Variants in PPP2R2C observed in about 807,000 individuals in gnomAD.
The protein encoded by PPP2R2C is protein phosphatase 2, regulatory subunit B, gamma.
PPP2R2C carries 10 observed loss-of-function variants against 45.3 expected under a neutral mutation model. The observed-to-expected ratio is 0.22, with a 90% CI of 0.14 to 0.37. The LOEUF is 0.37. PPP2R2C is among the 10% of genes least tolerant of loss of function. PPP2R2C has a pLI of 1.00. For missense variants in PPP2R2C, 308 were observed against 619.7 expected, an observed-to-expected ratio of 0.50 and a Z score of 5.34; for synonymous variants, 257 against 245.4, an observed-to-expected ratio of 1.05 and a Z score of -0.44.
rs901467022 is a variant in PPP2R2C, at chr4:6,405,099, C to T, written c.71-24005G>A. ...ACATGAGACTGAGGGCTGCTATTAA[C>T]GCCCTGTGCCCGACAGTGTGTGGGA... is the stretch of plus-strand genomic sequence containing the variant. On this transcript the variant is annotated intron_variant, in intron 1 of 8. Transcript: ENST00000382599. Among the ~76,000 whole-genome samples, 26 of 152,372 alleles carry T rather than the reference C, an allele frequency of 1.7e-4. 2 individuals are homozygous for T. Among genetic ancestry groups the T allele is most frequent in the Admixed American group, 1.2e-3 (19 of 15,312 alleles).
At chr4:6,549,729 C>T (rs1725117314) in intron 1 of PPP2R2C, among the ~76,000 whole-genome samples, 2 of 152,222 alleles carry the variant, frequency 1.3e-5, no homozygotes, top group African/African-American at 4.8e-5. Flanking sequence ...CGGGCAGTAG[C>T]TGGAGCCCAC....
At chr4:6,327,509 C>G (rs1012291447) in intron 8 of PPP2R2C, among the ~76,000 whole-genome samples, 7 of 152,234 alleles carry the variant, frequency 4.6e-5, no homozygotes, top group African/African-American at 9.6e-5. Context: ...CAGCGGGGAC[C>G]TACCCCGCAA....
chr4:6,435,959 A>T (rs1719873128), intron 1 of PPP2R2C, among the ~76,000 whole-genome samples: 1 of 152,128 alleles, frequency 6.6e-6, no homozygotes, highest in African/African-American at 2.4e-5. Flanking sequence ...CCCCAATGTG[A>T]TGGTCTTAGG....
rs146621707 is a variant in PPP2R2C at position 6,382,530 on chromosome 4, C to T, written c.71-1436G>A. 3.7e-4 allele frequency: 501 copies of T among 1,350,890 alleles called. 4 individuals are homozygous for T. The highest frequency in any genetic ancestry group is 2.3e-3 in the Middle Eastern group (11 of 4,762). 83.7% of individuals were successfully genotyped at this position (1,350,890 alleles called of 1,614,324 possible). On this transcript the variant is annotated intron_variant, in intron 1 of 8. Coordinates refer to ENST00000382599, the MANE Select transcript of PPP2R2C (RefSeq NM_020416.4). ...TGGTCACCATAACTGAATTCTGATC[C>T]CTCCTCAGCCTCATCCTCTGCAGCT...
At chr4:6,539,850 G>C (rs1271385695) in intron 1 of PPP2R2C, among the ~76,000 whole-genome samples, 1 of 152,152 alleles carries the variant, frequency 6.6e-6, no homozygotes, top group Non-Finnish European at 1.5e-5. Flanking sequence ...ACAGAAACTA[G>C]ATCTCCCCAA....
Position 6,384,736 on chromosome 4 carries a change from A to T in PPP2R2C, c.71-3642T>A. 3.0e-6 allele frequency: 3 copies of T among 985,494 alleles called. No homozygotes were observed. In the African/African-American group the frequency reaches 5.2e-5, roughly 17 times the overall value. The allele number at this position is 985,494 out of a possible 1,614,324, so 61.0% of individuals were successfully genotyped here. A position where few individuals can be genotyped will look rare whatever the true frequency, so the allele number is the denominator to read the frequency against. ...AATTTACAATTTATATGTCATTTTCATATCTGCTACCTCCTTTAACCTCAC... is the reference window on the plus strand; with the variant it reads ...AATTTACAATTTATATGTCATTTTCTTATCTGCTACCTCCTTTAACCTCAC... On this transcript the variant is annotated intron_variant, in intron 1 of 8. Coordinates refer to ENST00000382599, the MANE Select transcript of PPP2R2C (RefSeq NM_020416.4).
At chr4:6,357,109 C>G (rs1392476080) in intron 5 of PPP2R2C, among the ~76,000 whole-genome samples, 6 of 145,938 alleles carry the variant, frequency 4.1e-5, no homozygotes, top group African/African-American at 1.6e-4. Flanking sequence ...TGGGTCCCAG[C>G]CTCAAATCCC....
chr4:6,471,837 C>T lies in PPP2R2C; in HGVS notation c.70+323G>A, dbSNP rs1721903530. Among the ~76,000 whole-genome samples the T allele has an allele frequency of 6.6e-6, 1 of 152,082 alleles. No individual in the cohort carries two copies. Among genetic ancestry groups the T allele is most frequent in the South Asian group, 2.1e-4 (1 of 4,806 alleles). On this transcript the variant is annotated intron_variant, in intron 1 of 8. Coordinates refer to ENST00000382599, the MANE Select transcript of PPP2R2C (RefSeq NM_020416.4). This position sits in a 1 kb window ranked among gnomAD's most constrained non-coding sequence, Gnocchi z 5.6. ...TCACCAGATTAGCCACAGCCGTGGC[C>T]TTTTAAAAAATTATGGTCAGGGCCG...
At chr4:6,560,622 G>T (rs952444720) in intron 1 of PPP2R2C, among the ~76,000 whole-genome samples, 5 of 152,148 alleles carry the variant, frequency 3.3e-5, no homozygotes, top group Non-Finnish European at 7.4e-5. Context: ...CTCAGTGTTG[G>T]CTGCTGTTAC....
intron 1 of PPP2R2C, chr4:6,384,534 ATACT>A (rs1339731502): frequency 3.4e-5 from 33 of 977,464 alleles, no homozygotes; most frequent in African/African-American, 5.3e-5. Context: ...AACGCTGCAC[ATACT>A]TAATGTATAT....
intron 2 of PPP2R2C, among the ~76,000 whole-genome samples, chr4:6,500,969 C>G (rs1020933598): frequency 6.6e-6 from 1 of 152,256 alleles, no homozygotes; most frequent in Non-Finnish European, 1.5e-5. Flanking sequence ...CAGGAAGCCT[C>G]TCTGGGCAAG....
upstream of PPP2R2C, among the ~76,000 whole-genome samples, chr4:6,474,834 C>T (rs1311792945): frequency 3.3e-5 from 5 of 150,770 alleles, no homozygotes; most frequent in Non-Finnish European, 7.4e-5. Flanking sequence ...TCTCCCTCAG[C>T]CCCCTGCCCA....
At chr4:6,480,872 G>GTGA (rs1722324816) in intron 2 of PPP2R2C, among the ~76,000 whole-genome samples, 1 of 152,260 alleles carries the variant, frequency 6.6e-6, no homozygotes. Flanking sequence ...GAACGGGTAT[G>GTGA]TGATGATTGC....
chr4:6,335,547 T>A (rs1213906091), intron 6 of PPP2R2C, among the ~76,000 whole-genome samples: 3 of 151,952 alleles, frequency 2.0e-5, no homozygotes, highest in Non-Finnish European at 4.4e-5. Context: ...AAGTCACCAT[T>A]AGGGAAACGG....
At chr4:6,399,539 C>T (rs1717272537) in intron 1 of PPP2R2C, among the ~76,000 whole-genome samples, 1 of 152,208 alleles carries the variant, frequency 6.6e-6, no homozygotes. Context: ...TCGTGCCAGG[C>T]ACAGGGTAGA....
intron 1 of PPP2R2C, among the ~76,000 whole-genome samples, chr4:6,541,429 A>C (rs1724799746): frequency 6.6e-6 from 1 of 152,290 alleles, no homozygotes. Flanking sequence ...CCTGCTGTCC[A>C]CCACATAGGT....
At chr4:6,391,841 G>T (rs1192096017) in intron 1 of PPP2R2C, among the ~76,000 whole-genome samples, 1 of 152,234 alleles carries the variant, frequency 6.6e-6, no homozygotes, top group Non-Finnish European at 1.5e-5. Context: ...TGTGGAAAGG[G>T]GGAAAGACCT....
At chr4:6,511,733 AGG>A (rs1723541245) in intron 2 of PPP2R2C, among the ~76,000 whole-genome samples, 1 of 2,006 alleles carries the variant, frequency 5.0e-4, no homozygotes. Context: ...ATGGTGGTGG[AGG>A]TGATGGTGGT....
At chr4:6,418,165 G>A (rs534017104) in intron 1 of PPP2R2C, among the ~76,000 whole-genome samples, 1 of 152,282 alleles carries the variant, frequency 6.6e-6, no homozygotes, top group Admixed American at 6.5e-5. Flanking sequence ...GGAAGGATGT[G>A]GGCAAGTGGA....
Sources: gnomAD v4.1 joint callset for allele counts (sites outside exome capture counted in the v4.1 genomes callset) on GRCh38, gnomAD v4.1.1 for gene constraint, Gnocchi (gnomAD v3.1) non-coding constraint, MANE v1.5 for transcripts, NCBI Gene and HGNC (gene_info 2026-07-23, HGNC 2026-07-21) for gene names.